The following NCOA6 variants were observed in gnomAD, a reference collection of about 807,000 sequenced individuals.
The protein encoded by NCOA6 is NRC RAP250.
Under a neutral mutation model 171.4 loss-of-function variants are expected in NCOA6, and 49 were observed. That is an observed-to-expected ratio of 0.29 (90% CI 0.23 to 0.36). The LOEUF is 0.36. Ranked by LOEUF, NCOA6 falls within the 10% of genes least tolerant of loss-of-function variation. The probability of loss-of-function intolerance (pLI) is 1.00; values close to 1 mark genes in which losing one functional copy is unlikely to be tolerated. For synonymous variants in NCOA6, 910 were observed against 927.5 expected (o/e 0.98, Z 0.34); for missense variants, 2,248 against 2,554.5 (o/e 0.88, Z 2.59).
intron 14 of NCOA6, among the ~76,000 whole-genome samples, chr20:34,722,054 C>CAAAAAA (rs71196757): frequency 6.3e-5 from 4 of 63,388 alleles, no homozygotes; most frequent in South Asian, 7.9e-4. Context: ...GACCCTGTCT[C>CAAAAAA]AAAAAAAAAA....
intron 4 of NCOA6, among the ~76,000 whole-genome samples, chr20:34,775,540 C>G (rs980920791): frequency 2.0e-5 from 3 of 151,468 alleles, no homozygotes; most frequent in Non-Finnish European, 4.4e-5. Context: ...CAAAAATTAG[C>G]TGGGCATGGT....
intron 2 of NCOA6, among the ~76,000 whole-genome samples, chr20:34,782,950 G>A (rs1326175299): frequency 1.3e-5 from 2 of 152,150 alleles, no homozygotes; most frequent in Non-Finnish European, 2.9e-5. Flanking sequence ...CAGTGGAATG[G>A]CTGAAAATAA....
At chr20:34,790,710 C>T (rs1277723054) in intron 2 of NCOA6, among the ~76,000 whole-genome samples, 11 of 149,444 alleles carry the variant, frequency 7.4e-5, no homozygotes, top group Non-Finnish European at 1.2e-4. Context: ...AGTGCAGTGG[C>T]GTGATCTTGG....
intron 10 of NCOA6, among the ~76,000 whole-genome samples, chr20:34,745,070 G>A (rs1427147956): frequency 6.6e-6 from 1 of 152,166 alleles, no homozygotes; most frequent in Non-Finnish European, 1.5e-5. Context: ...GGGAAAGCCA[G>A]GACACACATA....
chr20:34,765,279 C>T (rs1171467420), intron 5 of NCOA6, among the ~76,000 whole-genome samples: 1 of 151,120 alleles, frequency 6.6e-6, no homozygotes, highest in Non-Finnish European at 1.5e-5. Flanking sequence ...AGTGAACCCT[C>T]GTCTCTACTA....
chr20:34,808,680 C>T (rs950162259), intron 1 of NCOA6, among the ~76,000 whole-genome samples: 8 of 152,214 alleles, frequency 5.3e-5, no homozygotes, highest in African/African-American at 1.4e-4. Context: ...TCAGGTGATC[C>T]GCCTGCCTCG....
intron 1 of NCOA6, among the ~76,000 whole-genome samples, chr20:34,798,406 A>G (rs1341744231): frequency 6.6e-6 from 1 of 152,186 alleles, no homozygotes; most frequent in African/African-American, 2.4e-5. Flanking sequence ...CCCTGAAGGG[A>G]AGGACACAGC....
chr20:34,807,989 A>G (rs1267978157), intron 1 of NCOA6, among the ~76,000 whole-genome samples: 1 of 151,564 alleles, frequency 6.6e-6, no homozygotes, highest in Non-Finnish European at 1.5e-5. Flanking sequence ...GTCTCTACTA[A>G]AAACACAAAA....
At chr20:34,758,445 C>T (rs557577134) in intron 6 of NCOA6, among the ~76,000 whole-genome samples, 2 of 152,310 alleles carry the variant, frequency 1.3e-5, no homozygotes, top group African/African-American at 4.8e-5. Flanking sequence ...TGCGTTTCTT[C>T]ACTGTAGGAC....
intron 12 of NCOA6, among the ~76,000 whole-genome samples, chr20:34,733,141 G>A (rs1413899090): frequency 6.6e-6 from 1 of 152,128 alleles, no homozygotes; most frequent in African/African-American, 2.4e-5. Flanking sequence ...TCCAAGCAAG[G>A]AAAATCTTAG....
intron 1 of NCOA6, among the ~76,000 whole-genome samples, chr20:34,793,192 C>T (rs1294600828): frequency 3.3e-5 from 5 of 152,082 alleles, no homozygotes; most frequent in South Asian, 2.1e-4. Flanking sequence ...CACTTTAAGC[C>T]TTAGAGCCCT....
intron 1 of NCOA6, among the ~76,000 whole-genome samples, chr20:34,798,964 C>G (rs2078169901): frequency 6.6e-6 from 1 of 152,128 alleles, no homozygotes; most frequent in African/African-American, 2.4e-5. Context: ...CAAGGTAATC[C>G]AAGAAAACAT....
chr20:34,785,192 A>G (rs1018488909), intron 2 of NCOA6, among the ~76,000 whole-genome samples: 2 of 152,194 alleles, frequency 1.3e-5, no homozygotes, highest in African/African-American at 2.4e-5. Context: ...TTCTTCTGTT[A>G]TAAGTAAATA....
chr20:34,715,224 C>T lies in NCOA6; in HGVS notation c.*98G>A. ...GAAAAGGGCCACATTATTAAAATTACTAACTGTACAGAAATTGATTTAAAA... is the reference window on the plus strand; with the variant it reads ...GAAAAGGGCCACATTATTAAAATTATTAACTGTACAGAAATTGATTTAAAA... On this transcript the variant is annotated 3_prime_UTR_variant, in exon 15 of 15. Transcript: ENST00000359003. 2 of 1,509,894 alleles carry T rather than the reference C, an allele frequency of 1.3e-6. No individual in the cohort carries two copies. Among genetic ancestry groups the T allele is most frequent in the East Asian group, 2.3e-5 (1 of 43,772 alleles). 93.5% of individuals were successfully genotyped at this position (1,509,894 alleles called of 1,614,324 possible). A position where few individuals can be genotyped will look rare whatever the true frequency, so the allele number is the denominator to read the frequency against.
intron 6 of NCOA6, 148 bp downstream of exon 6, chr20:34,758,657 A>C: frequency 9.7e-7 from 1 of 1,033,666 alleles, no homozygotes. Flanking sequence ...AATGACATTT[A>C]GTTTGAAGAA....
intron 3 of NCOA6, among the ~76,000 whole-genome samples, chr20:34,780,502 C>T (rs983262421): frequency 6.6e-6 from 1 of 151,978 alleles, no homozygotes; most frequent in Non-Finnish European, 1.5e-5. Flanking sequence ...CAGGCACCTG[C>T]CAGCACGCCT....
intron 11 of NCOA6, 77 bp from the exon 12 acceptor site, chr20:34,736,835 G>T: frequency 7.9e-7 from 1 of 1,261,968 alleles, no homozygotes; most frequent in Non-Finnish European, 1.1e-6. Flanking sequence ...CTAATCAAGG[G>T]CTAAGTAACT....
At chr20:34,805,350 C>T (rs557841163) in intron 1 of NCOA6, among the ~76,000 whole-genome samples, 13 of 152,180 alleles carry the variant, frequency 8.5e-5, no homozygotes, top group African/African-American at 7.2e-5. Context: ...GCCTATTCTA[C>T]GATCTACTTC....
intron 11 of NCOA6, chr20:34,739,021 C>T (rs1468412199): frequency 2.3e-6 from 1 of 440,058 alleles, no homozygotes; most frequent in African/African-American, 2.0e-5. Flanking sequence ...TGACTCCACT[C>T]TGGGGAAATA....
Sources: gnomAD v4.1 joint callset for allele counts (sites outside exome capture counted in the v4.1 genomes callset) on GRCh38, gnomAD v4.1.1 for gene constraint, MANE v1.5 for transcripts, NCBI Gene and HGNC (gene_info 2026-07-23, HGNC 2026-07-21) for gene names.